The following PSD3 variants were observed in gnomAD, a reference collection of about 807,000 sequenced individuals.
PSD3 encodes pleckstrin and Sec7 domain containing 3, also known as PH and SEC7 domain-containing protein 3.
A neutral mutation model predicts 105.5 loss-of-function variants in PSD3; 49 were observed. The ratio of observed to expected loss-of-function variants is 0.46; its 90% confidence interval spans 0.37 to 0.59. The LOEUF (loss-of-function observed/expected upper bound fraction) is 0.59. Among genes scored for constraint, PSD3 ranks in the 20% least tolerant of loss-of-function variants. The pLI is 0.00. For synonymous variants in PSD3, 557 were observed against 457.8 expected (o/e 1.22, Z -2.77); for missense variants, 1,561 against 1,263.8 (o/e 1.24, Z -3.57).
At chr8:18,859,593 C>T (rs1322867139) in intron 4 of PSD3, among the ~76,000 whole-genome samples, 1 of 152,218 alleles carries the variant, frequency 6.6e-6, no homozygotes, top group East Asian at 1.9e-4. Context: ...CTAGCTTTAT[C>T]AATTATCCCA....
rs113119918 is a variant in PSD3 at position 18,637,688 on chromosome 8, T to C, written c.2217-4882A>G. Among the ~76,000 whole-genome samples the C allele has an allele frequency of 8.0e-3, 1,212 of 152,330 alleles. 12 individuals carry two copies. The highest frequency in any genetic ancestry group is 0.028 in the African/African-American group (1,152 of 41,580). Reference sequence around the variant, plus strand: ...GTTTATCTATTCATCTACCGAAAGATACTGAGTTGTTTCTAGTTTCTATAT... The same window carrying C: ...GTTTATCTATTCATCTACCGAAAGACACTGAGTTGTTTCTAGTTTCTATAT... On this transcript the variant is annotated intron_variant, in intron 10 of 15. Transcript: ENST00000327040.
At chr8:18,825,140 A>G (rs1813075136) in intron 4 of PSD3, among the ~76,000 whole-genome samples, 1 of 152,240 alleles carries the variant, frequency 6.6e-6, no homozygotes, top group Admixed American at 6.5e-5. Flanking sequence ...TGTGTGTATT[A>G]GAACTACATG....
At chr8:18,547,109 G>A (rs1205471308) in intron 15 of PSD3, among the ~76,000 whole-genome samples, 1 of 152,078 alleles carries the variant, frequency 6.6e-6, no homozygotes, top group Non-Finnish European at 1.5e-5. Context: ...GTTGTTCCTG[G>A]GCCCTAGCAC....
At chr8:18,965,906 C>G (rs932224245) in intron 1 of PSD3, among the ~76,000 whole-genome samples, 5 of 152,184 alleles carry the variant, frequency 3.3e-5, no homozygotes, top group African/African-American at 9.7e-5. Flanking sequence ...ATATAACACC[C>G]GGGGTTTGGG....
intron 11 of PSD3, among the ~76,000 whole-genome samples, chr8:18,611,558 A>C (rs1008313567): frequency 6.6e-6 from 1 of 151,962 alleles, no homozygotes; most frequent in Non-Finnish European, 1.5e-5. Flanking sequence ...TTTTTCTGAG[A>C]CTTAGATGAG....
intron 9 of PSD3, among the ~76,000 whole-genome samples, chr8:18,698,936 G>C (rs1216278900): frequency 6.6e-6 from 1 of 152,184 alleles, no homozygotes; most frequent in Admixed American, 6.5e-5. Flanking sequence ...ACATTAATGA[G>C]AGATAGTAAA....
chr8:18,867,919 T>C lies in PSD3; in HGVS notation c.1389A>G (p.Thr463=), dbSNP rs758766859. The change falls in exon 4 of 16, where the codon ACA becomes ACG. Residue 463 remains threonine (T), a synonymous_variant. Coordinates refer to ENST00000327040, the MANE Select transcript of PSD3 (RefSeq NM_015310.4). ...AATAGCTATCAGGCTCTGAGTATAA[T>C]GTCTCCAGGGACTCTGCACTGTAGT... ...SLYYSAESLE[T]LYSEPDSYFS... is the part of the protein sequence containing the mutation. 1.9e-6 allele frequency: 3 copies of C among 1,614,206 alleles called. No individual in the cohort carries two copies. The highest frequency in any genetic ancestry group is 1.1e-5 in the South Asian group (1 of 91,080).
intron 1 of PSD3, among the ~76,000 whole-genome samples, chr8:19,074,584 GATATATACATATAT>G (rs1419811314): frequency 1.0e-5 from 1 of 99,536 alleles, no homozygotes; most frequent in Non-Finnish European, 2.1e-5. Context: ...TTACAACTCA[GATATATACATATAT>G]ATATATATAT....
At chr8:18,785,609 T>A (rs1397042983) in intron 8 of PSD3, among the ~76,000 whole-genome samples, 1 of 152,204 alleles carries the variant, frequency 6.6e-6, no homozygotes, top group African/African-American at 2.4e-5. Flanking sequence ...GCACTTTTAA[T>A]TTCCTTCAAG....
chr8:18,776,465 C>A (rs1808099027), intron 8 of PSD3, among the ~76,000 whole-genome samples: 2 of 151,348 alleles, frequency 1.3e-5, no homozygotes, highest in East Asian at 3.9e-4. Context: ...CTGACTGCAA[C>A]CTATACCTCC....
intron 1 of PSD3, among the ~76,000 whole-genome samples, chr8:18,966,607 AT>A (rs1220602885): frequency 2.0e-5 from 3 of 150,480 alleles, no homozygotes; most frequent in Admixed American, 6.6e-5. Context: ...AAATAGAGTC[AT>A]TTTTAAAAAT....
At chr8:18,589,642 A>T (rs1803450374) in intron 12 of PSD3, among the ~76,000 whole-genome samples, 1 of 152,230 alleles carries the variant, frequency 6.6e-6, no homozygotes, top group African/African-American at 2.4e-5. Flanking sequence ...ATGTTAATGA[A>T]AGATATGGGT....
intron 2 of PSD3, among the ~76,000 whole-genome samples, chr8:18,883,374 G>A (rs185098784): frequency 3.3e-5 from 5 of 152,216 alleles, no homozygotes; most frequent in African/African-American, 1.2e-4. Flanking sequence ...TTCTGGTCTG[G>A]GTTTACCCTC....
intron 9 of PSD3, among the ~76,000 whole-genome samples, chr8:18,738,912 T>A (rs950696867): frequency 1.3e-5 from 2 of 151,912 alleles, no homozygotes; most frequent in East Asian, 1.9e-4. Context: ...TTTTTTTTGT[T>A]CTGAAATGTA....
intron 2 of PSD3, among the ~76,000 whole-genome samples, chr8:18,895,419 T>TCA (rs2129460071): frequency 6.6e-6 from 1 of 152,354 alleles, no homozygotes; most frequent in African/African-American, 2.4e-5. Flanking sequence ...ACCAAGACTA[T>TCA]CATGACTTTC....
At chr8:18,681,677 A>G (rs1200871883) in intron 9 of PSD3, among the ~76,000 whole-genome samples, 1 of 152,052 alleles carries the variant, frequency 6.6e-6, no homozygotes, top group Non-Finnish European at 1.5e-5. Context: ...CATATTATTC[A>G]GTTTATTTCA....
chr8:18,747,108 T>G (rs905303822), intron 9 of PSD3, among the ~76,000 whole-genome samples: 1 of 152,228 alleles, frequency 6.6e-6, no homozygotes, highest in South Asian at 2.1e-4. Flanking sequence ...GAAAAGGGCT[T>G]CTCAAACGTA....
At chr8:18,745,032 A>C (rs1037039175) in intron 9 of PSD3, among the ~76,000 whole-genome samples, 8 of 152,188 alleles carry the variant, frequency 5.3e-5, no homozygotes, top group African/African-American at 1.9e-4. Flanking sequence ...ATGTTAAGTG[A>C]TGTTATCTTC....
chr8:18,841,821 A>G (rs927574230), intron 4 of PSD3, among the ~76,000 whole-genome samples: 9 of 152,316 alleles, frequency 5.9e-5, no homozygotes, highest in African/African-American at 2.2e-4. Context: ...ACACATGAGG[A>G]TGACAAAATG....
Sources: allele counts gnomAD v4.1 joint callset (sites outside exome capture counted in the v4.1 genomes callset), GRCh38; gene constraint gnomAD v4.1.1; transcripts MANE v1.5; gene names NCBI Gene and HGNC (gene_info 2026-07-23, HGNC 2026-07-21).